Variants in ESRRG observed in about 807,000 individuals in gnomAD.
ESRRG encodes the protein estrogen-related receptor gamma.
A neutral mutation model predicts 44.0 loss-of-function variants in ESRRG; 13 were observed. The observed-to-expected ratio is 0.30, with a 90% CI of 0.19 to 0.47. ESRRG has a LOEUF of 0.47. Ranked by LOEUF, ESRRG falls within the 20% of genes least tolerant of loss-of-function variation. The pLI, the probability that ESRRG is intolerant of heterozygous loss-of-function variation, is 1.00. For missense variants in ESRRG, 395 were observed against 580.6 expected, an observed-to-expected ratio of 0.68 and a Z score of 3.29; for synonymous variants, 215 against 214.6, an observed-to-expected ratio of 1.00 and a Z score of -0.02.
intron 2 of ESRRG, among the ~76,000 whole-genome samples, chr1:216,853,679 C>A (rs924838171): frequency 6.6e-6 from 1 of 152,158 alleles, no homozygotes; most frequent in African/African-American, 2.4e-5. Flanking sequence ...CTCACTGGTC[C>A]TCCAAGATGC....
At chr1:216,778,471 A>G (rs76303974) in intron 2 of ESRRG, among the ~76,000 whole-genome samples, 1,541 of 152,070 alleles carry the variant, frequency 0.01, 37 homozygotes, top group African/African-American at 0.035. Context: ...CACAGTATCC[A>G]CTACAGAAGT....
chr1:216,776,995 C>A (rs1202769878), intron 2 of ESRRG, among the ~76,000 whole-genome samples: 1 of 152,078 alleles, frequency 6.6e-6, no homozygotes, highest in Admixed American at 6.6e-5. Context: ...GACTCCACAC[C>A]TAGTCTTCTC....
intron 2 of ESRRG, among the ~76,000 whole-genome samples, chr1:216,935,407 A>G (rs2063967547): frequency 6.6e-6 from 1 of 152,124 alleles, no homozygotes; most frequent in Non-Finnish European, 1.5e-5. Flanking sequence ...TCAGAGAAAC[A>G]CTTGCTTGTA....
At chr1:216,711,635 C>T (rs960554319) in intron 1 of ESRRG, among the ~76,000 whole-genome samples, 3 of 151,932 alleles carry the variant, frequency 2.0e-5, no homozygotes, top group African/African-American at 7.2e-5. Context: ...GCTAAGCAAC[C>T]GCAGAAGACA....
At chr1:216,536,964 A>T (rs915184866) in intron 5 of ESRRG, among the ~76,000 whole-genome samples, 9 of 151,972 alleles carry the variant, frequency 5.9e-5, no homozygotes, top group African/African-American at 1.9e-4. Context: ...CTGCTGTTGT[A>T]AGCAGTGGGA....
At chr1:216,857,033 C>G (rs192184921) in intron 2 of ESRRG, among the ~76,000 whole-genome samples, 1 of 152,088 alleles carries the variant, frequency 6.6e-6, no homozygotes, top group Admixed American at 6.6e-5. Flanking sequence ...TCTTGCTGCA[C>G]CGGTCTGCAA....
chr1:216,988,417 C>T (rs1195609266), intron 1 of ESRRG, among the ~76,000 whole-genome samples: 5 of 152,154 alleles, frequency 3.3e-5, no homozygotes, highest in African/African-American at 1.2e-4. Context: ...ATTTTCAACC[C>T]TCAATGTATG....
At chr1:216,954,565 A>G (rs1469848441) in intron 1 of ESRRG, among the ~76,000 whole-genome samples, 1 of 152,206 alleles carries the variant, frequency 6.6e-6, no homozygotes, top group Non-Finnish European at 1.5e-5. Flanking sequence ...ATTTAGGCAT[A>G]TGTAAATAAG....
intron 2 of ESRRG, among the ~76,000 whole-genome samples, chr1:216,825,095 AC>A (rs2095368134): frequency 6.6e-6 from 1 of 152,052 alleles, no homozygotes; most frequent in African/African-American, 2.4e-5. Flanking sequence ...CTAGTCCCAC[AC>A]CATAAACATC....
At chr1:217,110,904 G>A (rs146464473) in intron 1 of ESRRG, among the ~76,000 whole-genome samples, 34 of 152,178 alleles carry the variant, frequency 2.2e-4, no homozygotes, top group African/African-American at 7.2e-4. Flanking sequence ...GTGTCTTTTC[G>A]GTTTCCAAGC....
chr1:216,603,203 T>C (rs894496298), intron 3 of ESRRG, among the ~76,000 whole-genome samples: 1 of 152,228 alleles, frequency 6.6e-6, no homozygotes, highest in Non-Finnish European at 1.5e-5. Flanking sequence ...CTTAAAAATA[T>C]TTCATTTTCA....
At chr1:216,965,252 T>C (rs2070048516) in intron 1 of ESRRG, among the ~76,000 whole-genome samples, 1 of 152,032 alleles carries the variant, frequency 6.6e-6, no homozygotes, top group East Asian at 1.9e-4. Context: ...CATCCCAACC[T>C]GAATGGCAAG....
At chr1:216,822,922 C>T (rs1240115918) in intron 2 of ESRRG, among the ~76,000 whole-genome samples, 1 of 152,104 alleles carries the variant, frequency 6.6e-6, no homozygotes, top group African/African-American at 2.4e-5. Context: ...GACAAGGTTC[C>T]AAAAACAATG....
intron 3 of ESRRG, among the ~76,000 whole-genome samples, chr1:216,642,537 A>C (rs1012261300): frequency 6.6e-6 from 1 of 152,134 alleles, no homozygotes; most frequent in African/African-American, 2.4e-5. Flanking sequence ...TATTGCTTAT[A>C]TTATAACTTG....
upstream of ESRRG, among the ~76,000 whole-genome samples, chr1:216,725,842 T>G (rs1258983447): frequency 6.6e-6 from 1 of 152,192 alleles, no homozygotes; most frequent in African/African-American, 2.4e-5. Flanking sequence ...TCCTGTACTG[T>G]GTTCAGTTTC....
intron 2 of ESRRG, among the ~76,000 whole-genome samples, chr1:216,776,951 G>A (rs578242128): frequency 2.8e-4 from 43 of 152,084 alleles, no homozygotes; most frequent in Non-Finnish European, 5.1e-4. Flanking sequence ...GAAGACAAAC[G>A]AGGGCATCTC....
Position 216,992,873 on chromosome 1 carries a change from G to A in ESRRG, c.-105-53200C>T, listed in dbSNP as rs551776174. On this transcript the variant is annotated intron_variant, in intron 1 of 7. Transcript: ENST00000359162. ...GCCAGATGCCTCATTATGTCCTTCC[G>A]TCTTTGTTCAGCAAGTCACTACACA... Among the ~76,000 whole-genome samples, 30 of 152,118 alleles carry A rather than the reference G, an allele frequency of 2.0e-4. 1 individual carries two copies. Among genetic ancestry groups the A allele is most frequent in the African/African-American group, 4.8e-4 (20 of 41,502 alleles).
chr1:216,809,283 G>T, intron 2 of ESRRG, among the ~76,000 whole-genome samples: 1 of 133,468 alleles, frequency 7.5e-6, no homozygotes, highest in African/African-American at 2.8e-5. Flanking sequence ...AAATTTTATT[G>T]TAAAAGCTGA....
At chr1:217,000,510 C>T (rs2076891806) in intron 1 of ESRRG, 1 of 152,184 alleles carries the variant, frequency 6.6e-6, no homozygotes, top group South Asian at 2.1e-4. Context: ...TTCATCTTAA[C>T]TTGATCTTCT....
Sources: allele counts gnomAD v4.1 joint callset (sites outside exome capture counted in the v4.1 genomes callset), GRCh38; gene constraint gnomAD v4.1.1; transcripts MANE v1.5; gene names NCBI Gene and HGNC (gene_info 2026-07-23, HGNC 2026-07-21).